ZNF385D: variants seen among roughly 807,000 people sequenced by gnomAD.
ZNF385D encodes the protein zinc finger protein 385D.
ZNF385D carries 15 observed loss-of-function variants against 35.8 expected under a neutral mutation model. The observed-to-expected ratio is 0.42, with a 90% CI of 0.28 to 0.64. ZNF385D has a LOEUF of 0.64. ZNF385D is among the 30% of genes least tolerant of loss of function. The probability of loss-of-function intolerance (pLI) is 0.23; values close to 1 mark genes in which losing one functional copy is unlikely to be tolerated. For synonymous variants in ZNF385D, 212 were observed against 186.8 expected, an observed-to-expected ratio of 1.13 and a Z score of -1.10; for missense variants, 474 against 494.6, an observed-to-expected ratio of 0.96 and a Z score of 0.39.
intron 4 of ZNF385D, among the ~76,000 whole-genome samples, chr3:21,500,545 A>G (rs1385777225): frequency 6.6e-6 from 1 of 152,206 alleles, no homozygotes; most frequent in African/African-American, 2.4e-5. Flanking sequence ...ACCCAGGCAC[A>G]TATGCATTGG....
intron 2 of ZNF385D, among the ~76,000 whole-genome samples, chr3:22,297,483 G>A (rs1015807694): frequency 1.3e-5 from 2 of 152,200 alleles, no homozygotes; most frequent in East Asian, 3.9e-4. Flanking sequence ...CCCTTGAGCG[G>A]CAAACTTTTT....
chr3:21,633,893 T>A (rs1371774684), intron 2 of ZNF385D, among the ~76,000 whole-genome samples: 2 of 151,990 alleles, frequency 1.3e-5, no homozygotes, highest in Non-Finnish European at 2.9e-5. Context: ...CCAGTGGCAT[T>A]AGTGGTTAAA....
chr3:21,743,580 C>G (rs927161910), intron 1 of ZNF385D, among the ~76,000 whole-genome samples: 2 of 152,236 alleles, frequency 1.3e-5, no homozygotes, highest in Non-Finnish European at 2.9e-5. Context: ...CAGTTACGTT[C>G]TTGCTACAGC....
chr3:21,737,750 G>C (rs542666952), intron 1 of ZNF385D, among the ~76,000 whole-genome samples: 1 of 152,150 alleles, frequency 6.6e-6, no homozygotes, highest in Non-Finnish European at 1.5e-5. Context: ...GGTCTAAAAG[G>C]TGTTTGGATT....
chr3:21,823,572 G>A (rs534221710), intron 3 of ZNF385D, among the ~76,000 whole-genome samples: 42 of 152,234 alleles, frequency 2.8e-4, no homozygotes, highest in South Asian at 8.3e-4. Flanking sequence ...GAAGTCAAGC[G>A]TTGCTATGTT....
intron 2 of ZNF385D, among the ~76,000 whole-genome samples, chr3:22,187,452 C>G (rs1695713224): frequency 6.6e-6 from 1 of 151,986 alleles, no homozygotes; most frequent in South Asian, 2.1e-4. Flanking sequence ...CCTATGGTGA[C>G]TTTTTTTCTC....
intron 3 of ZNF385D, among the ~76,000 whole-genome samples, chr3:22,079,552 G>T (rs764738453): frequency 1.3e-5 from 2 of 151,874 alleles, no homozygotes; most frequent in East Asian, 1.9e-4. Context: ...AAACAAAAAA[G>T]TTCCCTCACC....
At chr3:21,475,139 C>T (rs1704150323) in intron 4 of ZNF385D, among the ~76,000 whole-genome samples, 1 of 151,880 alleles carries the variant, frequency 6.6e-6, no homozygotes, top group Non-Finnish European at 1.5e-5. Flanking sequence ...TCTACCATTA[C>T]TAGTTTTTGA....
chr3:22,036,674 GAATAC>G, intron 3 of ZNF385D, among the ~76,000 whole-genome samples: 1 of 146,658 alleles, frequency 6.8e-6, no homozygotes, highest in East Asian at 2.0e-4. Flanking sequence ...CCTTCTTTTA[GAATAC>G]AATACGAGAA....
intron 3 of ZNF385D, among the ~76,000 whole-genome samples, chr3:21,907,618 G>A (rs1328212446): frequency 6.6e-6 from 1 of 152,068 alleles, no homozygotes; most frequent in Non-Finnish European, 1.5e-5. Flanking sequence ...TCCGTTAAAA[G>A]GAGATACATT....
intron 2 of ZNF385D, among the ~76,000 whole-genome samples, chr3:22,232,560 C>G (rs1032224391): frequency 6.6e-6 from 1 of 152,068 alleles, no homozygotes; most frequent in African/African-American, 2.4e-5. Flanking sequence ...CCTGACAGGC[C>G]CTGGTGTGTG....
At chr3:21,889,545 A>T (rs1698731838) in intron 3 of ZNF385D, among the ~76,000 whole-genome samples, 1 of 152,156 alleles carries the variant, frequency 6.6e-6, no homozygotes. Flanking sequence ...CTGCCATTTT[A>T]TATTAATTAG....
chr3:22,143,548 G>A (rs1004980540), intron 3 of ZNF385D, among the ~76,000 whole-genome samples: 4 of 151,892 alleles, frequency 2.6e-5, no homozygotes, highest in Non-Finnish European at 5.9e-5. Flanking sequence ...ACACACACTT[G>A]CAGATAATTG....
intron 5 of ZNF385D, among the ~76,000 whole-genome samples, chr3:21,426,613 C>T (rs1198473609): frequency 6.6e-6 from 1 of 151,272 alleles, no homozygotes; most frequent in African/African-American, 2.4e-5. Flanking sequence ...CATTTGTGTT[C>T]TTTCTGCCAT....
intron 3 of ZNF385D, among the ~76,000 whole-genome samples, chr3:21,945,177 G>T (rs528291836): frequency 0.044 from 4,604 of 103,862 alleles, 206 homozygotes; most frequent in African/African-American, 0.15. Flanking sequence ...TATATATAGT[G>T]AGAGAGAGAG....
intron 2 of ZNF385D, among the ~76,000 whole-genome samples, chr3:22,214,822 C>G (rs1326753077): frequency 1.3e-5 from 2 of 152,040 alleles, no homozygotes; most frequent in Non-Finnish European, 2.9e-5. Context: ...TAATTTTGCC[C>G]TGGTCCTGTG....
At chr3:21,562,750 A>ATAAT (rs1414787311) in intron 3 of ZNF385D, among the ~76,000 whole-genome samples, 2 of 151,718 alleles carry the variant, frequency 1.3e-5, no homozygotes, top group Admixed American at 1.3e-4. Context: ...ATAAAACTAT[A>ATAAT]TAATTGTTTG....
chr3:22,281,680 A>C (rs1701748748), intron 2 of ZNF385D, among the ~76,000 whole-genome samples: 1 of 151,978 alleles, frequency 6.6e-6, no homozygotes, highest in African/African-American at 2.4e-5. Context: ...TATGTTCATC[A>C]GGAACACTGG....
intron 2 of ZNF385D, among the ~76,000 whole-genome samples, chr3:22,354,248 TCA>T (rs1239216004): frequency 6.6e-6 from 1 of 152,056 alleles, no homozygotes; most frequent in Admixed American, 6.6e-5. Flanking sequence ...TTTCTGTATC[TCA>T]GTTTCTTCAG....
Sources: allele counts gnomAD v4.1 joint callset (sites outside exome capture counted in the v4.1 genomes callset), GRCh38; gene constraint gnomAD v4.1.1; transcripts MANE v1.5; gene names NCBI Gene and HGNC (gene_info 2026-07-23, HGNC 2026-07-21).